Variants in MYO5B observed in about 807,000 individuals in gnomAD.
MYO5B encodes the protein unconventional myosin-Vb.
In MYO5B, 143 loss-of-function variants were observed where a neutral mutation model predicts 229.3. That is an observed-to-expected ratio of 0.62 (90% CI 0.54 to 0.72). The LOEUF is 0.72. Ranked by LOEUF, MYO5B falls within the 30% of genes least tolerant of loss-of-function variation. The pLI, the probability that MYO5B is intolerant of heterozygous loss-of-function variation, is 0.00. For missense variants in MYO5B, 2,321 were observed against 2,331.0 expected, an observed-to-expected ratio of 1.00 and a Z score of 0.09; for synonymous variants, 918 against 885.2, an observed-to-expected ratio of 1.04 and a Z score of -0.66.
At chr18:50,014,807 A>AG (rs1331757868) in intron 4 of MYO5B, among the ~76,000 whole-genome samples, 8 of 152,354 alleles carry the variant, frequency 5.3e-5, no homozygotes, top group Non-Finnish European at 1.0e-4. Flanking sequence ...TCCATCCATT[A>AG]GGCAATTTTT....
intron 2 of MYO5B, among the ~76,000 whole-genome samples, chr18:50,043,554 A>G (rs2030125417): frequency 7.8e-6 from 1 of 127,770 alleles, no homozygotes; most frequent in African/African-American, 3.1e-5. Flanking sequence ...ATATAAATGT[A>G]TTTATAAGTA....
rs748893753 is a variant in MYO5B, at chr18:49,836,706, T to C, written c.5313+5A>G. On this transcript the variant is annotated splice_donor_5th_base_variant and intron_variant, in intron 38 of 39. Coordinates refer to ENST00000285039, the MANE Select transcript of MYO5B (RefSeq NM_001080467.3). ...CATGTTGACAGAGGTGCAAAGTGAC[T>C]GTACCTGCTGGGTGCTGAGGGAGGT... 1.1e-5 allele frequency: 17 copies of C among 1,613,898 alleles called. No homozygotes were observed. Among genetic ancestry groups the C allele is most frequent in the East Asian group, 2.2e-5 (1 of 44,904 alleles).
At chr18:50,077,502 A>ACC in intron 1 of MYO5B, among the ~76,000 whole-genome samples, 1 of 133,608 alleles carries the variant, frequency 7.5e-6, no homozygotes, top group African/African-American at 2.7e-5. Flanking sequence ...CACACACACA[A>ACC]ACACACACAC....
chr18:50,188,602 C>T (rs1318392527), intron 1 of MYO5B, among the ~76,000 whole-genome samples: 1 of 151,998 alleles, frequency 6.6e-6, no homozygotes, highest in Non-Finnish European at 1.5e-5. Flanking sequence ...TCCTGGCCAA[C>T]ATGGTAAAAC....
intron 4 of MYO5B, among the ~76,000 whole-genome samples, chr18:50,022,942 C>T (rs1158363298): frequency 1.3e-5 from 2 of 152,156 alleles, no homozygotes; most frequent in East Asian, 3.9e-4. Flanking sequence ...TGGTGTGCTG[C>T]TGTTTAAGAT....
chr18:50,161,340 T>A (rs1490357872), intron 1 of MYO5B, among the ~76,000 whole-genome samples: 1 of 152,080 alleles, frequency 6.6e-6, no homozygotes, highest in Non-Finnish European at 1.5e-5. Flanking sequence ...ACCAAGATAG[T>A]GCCACTGCAC....
At chr18:50,121,190 T>C (rs929864327) in intron 1 of MYO5B, among the ~76,000 whole-genome samples, 4 of 152,226 alleles carry the variant, frequency 2.6e-5, no homozygotes, top group Non-Finnish European at 4.4e-5. Flanking sequence ...CCTGAACTCC[T>C]GCAGTAGCAC....
At chr18:50,183,476 G>C (rs561224701) in intron 1 of MYO5B, among the ~76,000 whole-genome samples, 147 of 151,854 alleles carry the variant, frequency 9.7e-4, no homozygotes, top group African/African-American at 3.3e-3. Flanking sequence ...AAGGCTTCCA[G>C]GAGTCTCAGG....
At position 49,974,520 on chromosome 18, in the gene MYO5B, G is replaced by A; in HGVS notation, c.1152C>T (p.Thr384=). The A allele has an allele frequency of 6.2e-7, 1 of 1,614,176 alleles. No homozygotes were observed. The highest frequency in any genetic ancestry group is 1.1e-5 in the South Asian group (1 of 91,082). ...ACATGGTCTTGACGTAGGTCTCCGA[G>A]GTGGTGACCAGCTTGCGATGACACA... ...HWLCHRKLVT[T]SETYVKTMSL... is the part of the protein sequence containing the mutation. Residue 384 remains threonine (T), a synonymous_variant, in exon 10 of 40, where the codon ACC becomes ACT. Coordinates refer to ENST00000285039, the MANE Select transcript of MYO5B (RefSeq NM_001080467.3).
chr18:49,967,776 C>T (rs149755257), intron 10 of MYO5B, among the ~76,000 whole-genome samples: 234 of 152,242 alleles, frequency 1.5e-3, no homozygotes, highest in African/African-American at 5.5e-3. Flanking sequence ...ACTGAACAAC[C>T]TCGGGATGCT....
At chr18:49,970,967 A>G (rs1315306558) in intron 10 of MYO5B, 9 of 152,220 alleles carry the variant, frequency 5.9e-5, no homozygotes, top group South Asian at 2.1e-4. Flanking sequence ...CTCAAAAGAG[A>G]CAAGGAGAAG....
intron 10 of MYO5B, among the ~76,000 whole-genome samples, chr18:49,972,468 G>T (rs1380382576): frequency 6.6e-6 from 1 of 152,160 alleles, no homozygotes; most frequent in Non-Finnish European, 1.5e-5. Flanking sequence ...CTGAGGCATG[G>T]TATTTTATGT....
At chr18:49,963,399 A>ATTTTT (rs1463355432) in intron 10 of MYO5B, among the ~76,000 whole-genome samples, 1 of 120,424 alleles carries the variant, frequency 8.3e-6, no homozygotes, top group African/African-American at 3.1e-5. Flanking sequence ...TACTTATTTA[A>ATTTTT]TTTAATTAAT....
chr18:49,997,174 A>G (rs555864647), intron 5 of MYO5B, among the ~76,000 whole-genome samples: 2 of 148,970 alleles, frequency 1.3e-5, no homozygotes, highest in Admixed American at 1.3e-4. Flanking sequence ...AGGCTGAGGT[A>G]GGAGAATCGC....
rs1445324561 is a variant in MYO5B, at chr18:49,984,731, G to A, written c.933C>T (p.Ala311=). Residue 311 remains alanine (A), a synonymous_variant, in exon 8 of 40, where the codon GCC becomes GCT. Coordinates refer to ENST00000285039, the MANE Select transcript of MYO5B (RefSeq NM_001080467.3). ...GAAGCTCCTTACCGAGGAGTGTGAA[G>A]GCTTGTCGAGTCTTCTCAAAGTCCT... ...DAEDFEKTRQ[A]FTLLGVKESH... 1.2e-6 allele frequency: 2 copies of A among 1,611,118 alleles called. No individual in the cohort carries two copies. The highest frequency in any genetic ancestry group is 1.1e-5 in the South Asian group (1 of 91,024).
chr18:50,143,395 T>A (rs949284734), intron 1 of MYO5B, among the ~76,000 whole-genome samples: 11 of 152,122 alleles, frequency 7.2e-5, no homozygotes, highest in African/African-American at 2.7e-4. Flanking sequence ...GAGGCCCCCC[T>A]CAGTTACTAA....
chr18:50,038,399 T>TA (rs1345215947), intron 3 of MYO5B, among the ~76,000 whole-genome samples: 4 of 151,808 alleles, frequency 2.6e-5, no homozygotes, highest in African/African-American at 9.7e-5. Flanking sequence ...GGCCAGGGGG[T>TA]AAAAAAGACA....
rs140537944 is a variant in MYO5B at position 49,932,621 on chromosome 18, T to C, written c.2004-3023A>G. 3.6e-3 allele frequency among the ~76,000 whole-genome samples: 544 copies of C among 152,206 alleles called. 3 individuals carry two copies. The highest frequency in any genetic ancestry group is 0.012 in the African/African-American group (511 of 41,530). On this transcript the variant is annotated intron_variant, in intron 16 of 39. Transcript: ENST00000285039. ...ATTTACTCAATGAGAGCTCAACATA[T>C]CTGCCCAACTATAAAGCAGTGGTGG...
At chr18:50,181,922 G>T (rs2033078695) in intron 1 of MYO5B, among the ~76,000 whole-genome samples, 2 of 152,168 alleles carry the variant, frequency 1.3e-5, no homozygotes, top group Admixed American at 6.5e-5. Flanking sequence ...TTGAAAATGT[G>T]ATTAAATCTG....
Sources: allele counts gnomAD v4.1 joint callset (sites outside exome capture counted in the v4.1 genomes callset), GRCh38; gene constraint gnomAD v4.1.1; transcripts MANE v1.5; gene names NCBI Gene and HGNC (gene_info 2026-07-23, HGNC 2026-07-21).